The following PXDNL variants were observed in gnomAD, a reference collection of about 807,000 sequenced individuals.
PXDNL encodes peroxidasin like.
In PXDNL, 145 loss-of-function variants were observed where a neutral mutation model predicts 150.8. The observed-to-expected ratio is 0.96, with a 90% CI of 0.84 to 1.10. PXDNL has a LOEUF of 1.10. Among genes scored for constraint, PXDNL ranks in the 50% least tolerant of loss-of-function variants. The probability of loss-of-function intolerance (pLI) is 0.00; values close to 1 mark genes in which losing one functional copy is unlikely to be tolerated. For synonymous variants in PXDNL, 757 were observed against 725.7 expected, an observed-to-expected ratio of 1.04 and a Z score of -0.69; for missense variants, 2,087 against 1,873.9, an observed-to-expected ratio of 1.11 and a Z score of -2.10.
At chr8:51,720,499 CT>C (rs1456244719) in intron 1 of PXDNL, among the ~76,000 whole-genome samples, 1 of 151,944 alleles carries the variant, frequency 6.6e-6, no homozygotes, top group African/African-American at 2.4e-5. Flanking sequence ...TAAGTATGTT[CT>C]TTTTTGAGAA....
intron 19 of PXDNL, among the ~76,000 whole-genome samples, chr8:51,358,717 C>T (rs1039076576): frequency 2.6e-5 from 4 of 152,142 alleles, no homozygotes; most frequent in African/African-American, 9.7e-5. Flanking sequence ...GCACGGTGCC[C>T]TGAAGATGAG....
Position 51,426,745 on chromosome 8 carries a change from A to G in PXDNL, c.1539T>C (p.Phe513=), listed in dbSNP as rs1586097525. The change falls in exon 13 of 23, where the codon TTT becomes TTC. Residue 513 remains phenylalanine (F), a synonymous_variant. Transcript: ENST00000356297. The part of the protein sequence containing the change: ...LTVKPKALAV[F]TQLPQDTSVE... Reference sequence around the variant, plus strand: ...CACTTGTATCCTGAGGAAGTTGAGTAAACACTGCAAGAGCTGTGGAAACAA... The same window carrying G: ...CACTTGTATCCTGAGGAAGTTGAGTGAACACTGCAAGAGCTGTGGAAACAA... The G allele has an allele frequency of 6.3e-7, 1 of 1,591,512 alleles. No individual in the cohort carries two copies. The highest frequency in any genetic ancestry group is 1.7e-4 in the Middle Eastern group (1 of 6,026).
chr8:51,718,647 A>C (rs1011786912), intron 1 of PXDNL, among the ~76,000 whole-genome samples: 2 of 152,208 alleles, frequency 1.3e-5, no homozygotes, highest in African/African-American at 4.8e-5. Flanking sequence ...TCTTTTGAAA[A>C]GTATGCTGTG....
At chr8:51,533,518 C>T (rs1186275651) in intron 4 of PXDNL, among the ~76,000 whole-genome samples, 1 of 136,530 alleles carries the variant, frequency 7.3e-6, no homozygotes, top group African/African-American at 3.1e-5. Context: ...TCTCCCTCTC[C>T]CTCCACGGTC....
At chr8:51,680,298 C>T (rs915944880) in intron 1 of PXDNL, among the ~76,000 whole-genome samples, 2 of 152,056 alleles carry the variant, frequency 1.3e-5, no homozygotes, top group Non-Finnish European at 2.9e-5. Context: ...ATAGAGTTGT[C>T]GTCTTCAAAA....
intron 4 of PXDNL, among the ~76,000 whole-genome samples, chr8:51,500,645 T>C (rs1046282944): frequency 3.3e-5 from 5 of 152,344 alleles, no homozygotes; most frequent in African/African-American, 1.2e-4. Flanking sequence ...CAGTGATATA[T>C]AGCAGTCTAT....
intron 2 of PXDNL, among the ~76,000 whole-genome samples, chr8:51,644,094 C>T (rs555178912): frequency 2.7e-5 from 4 of 150,846 alleles, no homozygotes; most frequent in East Asian, 2.0e-4. Context: ...TACAGTGAGC[C>T]GAGATCATGC....
At chr8:51,651,796 T>C (rs1815043386) in intron 2 of PXDNL, among the ~76,000 whole-genome samples, 1 of 152,074 alleles carries the variant, frequency 6.6e-6, no homozygotes, top group African/African-American at 2.4e-5. Flanking sequence ...TGTATTACTC[T>C]TATCAGTGTC....
chr8:51,425,051 C>T (rs990812760), intron 13 of PXDNL, among the ~76,000 whole-genome samples: 1 of 152,214 alleles, frequency 6.6e-6, no homozygotes, highest in South Asian at 2.1e-4. Context: ...CAGAACCACA[C>T]CTTCTCTGCC....
chr8:51,452,935 A>AACACACACACAC (rs146990384), intron 10 of PXDNL, among the ~76,000 whole-genome samples: 1,949 of 142,654 alleles, frequency 0.014, 44 homozygotes, highest in African/African-American at 0.05. Context: ...CACACACACA[A>AACACACACACAC]ACACACACAC....
At chr8:51,341,128 G>T (rs145530614) in intron 20 of PXDNL, among the ~76,000 whole-genome samples, 2 of 152,218 alleles carry the variant, frequency 1.3e-5, no homozygotes, top group African/African-American at 4.8e-5. Context: ...GGTGCAGGAT[G>T]TGAGGGTGCT....
At chr8:51,457,464 G>A (rs1477176628) in intron 9 of PXDNL, 34 bp downstream of exon 9, 4 of 1,525,700 alleles carry the variant, frequency 2.6e-6, no homozygotes, top group Admixed American at 3.6e-5. Flanking sequence ...TTCCAGTGCA[G>A]ATAATTGATA....
chr8:51,742,653 T>C (rs2036918501), intron 1 of PXDNL, among the ~76,000 whole-genome samples: 1 of 150,962 alleles, frequency 6.6e-6, no homozygotes, highest in Non-Finnish European at 1.5e-5. Context: ...ATTTTATATA[T>C]ATAAACAATA....
At chr8:51,354,736 G>A (rs1806451555) in intron 19 of PXDNL, among the ~76,000 whole-genome samples, 1 of 151,970 alleles carries the variant, frequency 6.6e-6, no homozygotes, top group African/African-American at 2.4e-5. Flanking sequence ...ACCTAATCCT[G>A]ATATAGAAAA....
chr8:51,774,587 G>A (rs2037331709), intron 1 of PXDNL, among the ~76,000 whole-genome samples: 1 of 152,158 alleles, frequency 6.6e-6, no homozygotes, highest in Non-Finnish European at 1.5e-5. Context: ...GGGAGGCTGA[G>A]GCGGGTGGAT....
chr8:51,351,483 T>G (rs1563369599), intron 19 of PXDNL, among the ~76,000 whole-genome samples: 1 of 152,150 alleles, frequency 6.6e-6, no homozygotes. Context: ...GGGCATAGAA[T>G]GCATTCTCCC....
At chr8:51,646,188 G>C (rs561751825) in intron 2 of PXDNL, among the ~76,000 whole-genome samples, 1 of 152,132 alleles carries the variant, frequency 6.6e-6, no homozygotes, top group African/African-American at 2.4e-5. Context: ...AGTGACACTG[G>C]TGTCCTTATA....
At chr8:51,528,016 T>G (rs1212332210) in intron 4 of PXDNL, among the ~76,000 whole-genome samples, 4 of 152,134 alleles carry the variant, frequency 2.6e-5, no homozygotes, top group Non-Finnish European at 2.9e-5. Flanking sequence ...GTAGTTTGTG[T>G]GTAAGATAAT....
intron 3 of PXDNL, among the ~76,000 whole-genome samples, chr8:51,557,154 G>C (rs137876232): frequency 1.3e-5 from 2 of 152,126 alleles, no homozygotes; most frequent in Non-Finnish European, 2.9e-5. Flanking sequence ...TAGAGTATTT[G>C]TGGAGAAATT....
Sources: gnomAD v4.1 joint callset for allele counts (sites outside exome capture counted in the v4.1 genomes callset) on GRCh38, gnomAD v4.1.1 for gene constraint, MANE v1.5 for transcripts, NCBI Gene and HGNC (gene_info 2026-07-23, HGNC 2026-07-21) for gene names.